The following CA3 variants were observed in gnomAD, a reference collection of about 807,000 sequenced individuals.
The protein encoded by CA3 is carbonic anhydrase 3.
CA3 carries 30 observed loss-of-function variants against 35.7 expected under a neutral mutation model. The ratio of observed to expected loss-of-function variants is 0.84; its 90% CI spans 0.63 to 1.14. The LOEUF (loss-of-function observed/expected upper bound fraction) is 1.14, where lower values mean the gene tolerates loss of function less well. Among genes scored for constraint, CA3 ranks in the 50% most tolerant of loss-of-function variants. The pLI is 0.00. For missense variants in CA3, 295 were observed against 328.5 expected (o/e 0.90, Z 0.79); for synonymous variants, 131 against 130.8 (o/e 1.00, Z -0.01).
chr8:85,443,523 C>A (rs77634231), intron 3 of CA3, among the ~76,000 whole-genome samples: 3,931 of 152,250 alleles, frequency 0.026, 180 homozygotes, highest in African/African-American at 0.09. Flanking sequence ...TACAGCCAAT[C>A]TAGAGAGCCA....
At chr8:85,447,509 T>G (rs1307959984) in intron 6 of CA3, among the ~76,000 whole-genome samples, 4 of 152,082 alleles carry the variant, frequency 2.6e-5, no homozygotes, top group Non-Finnish European at 5.9e-5. Context: ...GCTTTACAAA[T>G]AAAGAAAAAA....
At position 85,442,112 on chromosome 8, in the gene CA3, G is replaced by A. The variant is rs762494962; in HGVS notation, c.272G>A (p.Arg91His). 6.8e-6 allele frequency: 11 copies of A among 1,608,032 alleles called. No homozygotes were observed. The highest frequency in any genetic ancestry group is 2.2e-5 in the East Asian group (1 of 44,850). The part of the protein sequence containing the change: ...GGPLPGPYRL[R>H]QFHLHWGSSD... ...CCTCTCCCTGGACCCTACCGACTTC[G>A]CCAGTTTCATCTTCACTGGGGCTCT... Residue 91 changes from arginine (R) to histidine (H), a missense_variant, in exon 3 of 7, where the codon CGC becomes CAC. By Grantham distance (29) the Arg-to-His change is conservative. Transcript: ENST00000285381.
intron 6 of CA3, among the ~76,000 whole-genome samples, chr8:85,446,721 CA>C (rs977072739): frequency 2.0e-5 from 3 of 152,172 alleles, no homozygotes; most frequent in Admixed American, 1.3e-4. Context: ...TGCAGTTTTA[CA>C]GATACATAAT....
intron 5 of CA3, 69 bp downstream of exon 5, chr8:85,445,287 A>G (rs922476085): frequency 3.7e-6 from 4 of 1,077,564 alleles, no homozygotes; most frequent in East Asian, 4.8e-5. Context: ...CATATTTTCA[A>G]GTATTTTTTT....
At position 85,444,019 on chromosome 8, in the gene CA3, C is replaced by G. The variant is rs774464751; in HGVS notation, c.352-15C>G. 7.7e-6 allele frequency: 12 copies of G among 1,557,146 alleles called. No individual in the cohort carries two copies. In the East Asian group the frequency reaches 2.5e-4, roughly 32 times the overall value. On this transcript the variant is annotated splice_polypyrimidine_tract_variant and intron_variant, in intron 3 of 6. Coordinates refer to ENST00000285381, the MANE Select transcript of CA3 (RefSeq NM_005181.4). ...TCCAGGAATTTACCTTCTAATCTGT[C>G]TTCTATGGTTTCAGCTTCATTTGGT...
At chr8:85,439,068 AT>A in intron 1 of CA3, 125 bp downstream of exon 1, 1 of 935,116 alleles carries the variant, frequency 1.1e-6, no homozygotes, top group Non-Finnish European at 1.6e-6. Context: ...AAGACCTAAC[AT>A]TTACTGAGGC....
chr8:85,448,115 C>A lies in CA3; in HGVS notation c.745C>A (p.Pro249Thr). Residue 249 changes from proline to threonine, a missense_variant, in exon 7 of 7, where the codon CCT becomes ACT. By Grantham distance (38) the Pro-to-Thr change is conservative. Coordinates refer to ENST00000285381, the MANE Select transcript of CA3 (RefSeq NM_005181.4). ...PLVSNWRPPQ[P>T]INNRVVRASF... is the part of the protein sequence containing the mutation. ...TGTGAGCAACTGGCGACCTCCACAG[C>A]CTATCAATAACAGGGTGGTGAGAGC... The A allele has an allele frequency of 6.2e-7, 1 of 1,613,424 alleles. No homozygotes were observed. The highest frequency in any genetic ancestry group is 1.1e-5 in the South Asian group (1 of 90,800).
intron 6 of CA3, among the ~76,000 whole-genome samples, chr8:85,446,550 A>G (rs1432459523): frequency 6.6e-6 from 1 of 152,208 alleles, no homozygotes; most frequent in African/African-American, 2.4e-5. Flanking sequence ...TTTATGCTCT[A>G]TAAACACTTT....
chr8:85,443,923 A>G, intron 3 of CA3, 111 bp from the exon 4 acceptor site: 2 of 756,178 alleles, frequency 2.6e-6, no homozygotes, highest in Non-Finnish European at 4.6e-6. Flanking sequence ...AGCTTTTATG[A>G]GAGTGCTCAG....
intron 3 of CA3, among the ~76,000 whole-genome samples, chr8:85,442,729 T>G (rs186332621): frequency 1.5e-3 from 222 of 152,060 alleles, no homozygotes; most frequent in Admixed American, 2.6e-3. Context: ...AGAAAAACCC[T>G]AAAAGTTAGA....
Position 85,439,618 on chromosome 8 carries a change from T to C in CA3, c.35-94T>C. The C allele has an allele frequency of 1.2e-5, 10 of 823,500 alleles. No individual in the cohort carries two copies. The South Asian group carries it at 1.5e-4, about 12-fold the overall frequency. The allele number at this position is 823,500 out of a possible 1,614,324, so 51.0% of individuals were successfully genotyped here. Reference sequence around the variant, plus strand: ...ACCTAAGACCTTTTTGAAATCACTGTCTAGCCTCTCTGTATTTTGCTGGTT... The same window carrying C: ...ACCTAAGACCTTTTTGAAATCACTGCCTAGCCTCTCTGTATTTTGCTGGTT... On this transcript the variant is annotated intron_variant, in intron 1 of 6. Transcript: ENST00000285381.
At chr8:85,440,913 T>C (rs1241905320) in intron 2 of CA3, among the ~76,000 whole-genome samples, 1 of 152,224 alleles carries the variant, frequency 6.6e-6, no homozygotes, top group Non-Finnish European at 1.5e-5. Flanking sequence ...CATAACAAAA[T>C]TAAACATATC....
chr8:85,446,189 G>C lies in CA3; in HGVS notation c.555G>C (p.Pro185=). 6.2e-7 allele frequency: 1 copy of C among 1,613,702 alleles called. No homozygotes were observed. The highest frequency in any genetic ancestry group is 8.5e-7 in the Non-Finnish European group (1 of 1,179,780). ...AGTTTGACCCATCCTGCCTGTTCCCGGCATGCCGGGACTACTGGACCTACC... is the reference window on the plus strand; with the variant it reads ...AGTTTGACCCATCCTGCCTGTTCCCCGCATGCCGGGACTACTGGACCTACC... ...FTKFDPSCLF[P]ACRDYWTYQG... Residue 185 remains proline, a synonymous_variant, in exon 6 of 7, where the codon CCG becomes CCC. Transcript: ENST00000285381.
At position 85,444,146 on chromosome 8, in the gene CA3, T is replaced by A. The variant is rs745847409; in HGVS notation, c.444+20T>A. ...CTGAAGGTAAAGTAAAAATTGACTA[T>A]ATATTTTCTTCCAAAATGTATTTCC... On this transcript the variant is annotated intron_variant, in intron 4 of 6. Transcript: ENST00000285381. 6.7e-7 allele frequency: 1 copy of A among 1,501,716 alleles called. No homozygotes were observed. 93.0% of individuals were successfully genotyped at this position (1,501,716 alleles called of 1,614,324 possible).
intron 2 of CA3, among the ~76,000 whole-genome samples, chr8:85,440,768 A>G (rs890323644): frequency 6.6e-6 from 1 of 152,180 alleles, no homozygotes; most frequent in Non-Finnish European, 1.5e-5. Context: ...GTAATGAAGA[A>G]TGATATTCAT....
chr8:85,441,460 G>A (rs771403746), intron 2 of CA3, among the ~76,000 whole-genome samples: 1 of 152,142 alleles, frequency 6.6e-6, no homozygotes, highest in Non-Finnish European at 1.5e-5. Context: ...GTTTTTGCTC[G>A]TTGTCTTGAA....
In CA3 at chr8:85,448,053, TC is replaced by T; in HGVS notation, c.685del (p.Leu229SerfsTer13). On this transcript the variant is annotated frameshift_variant, in exon 7 of 7. Coordinates refer to ENST00000285381, the MANE Select transcript of CA3 (RefSeq NM_005181.4). LOFTEE classifies it high-confidence loss of function. Reference sequence around the variant, plus strand: ...TTGCAGATGGCCAAGCTGCGGAGCCTCCTCTCCAGTGCTGAGAACGAGCCCC... The same window carrying T: ...TTGCAGATGGCCAAGCTGCGGAGCCTCTCTCCAGTGCTGAGAACGAGCCCC... ...SSDQMAKLRS[L>X]LSSAENEPPV... 2 of 1,612,348 alleles carry T rather than the reference TC, an allele frequency of 1.2e-6. No homozygotes were observed. Among genetic ancestry groups the T allele is most frequent in the Non-Finnish European group, 1.7e-6 (2 of 1,179,252 alleles).
At chr8:85,445,796 T>G (rs1811280424) in intron 5 of CA3, among the ~76,000 whole-genome samples, 1 of 152,252 alleles carries the variant, frequency 6.6e-6, no homozygotes, top group Non-Finnish European at 1.5e-5. Flanking sequence ...TGATATTTTT[T>G]GGTATCATCA....
At chr8:85,441,076 C>T (rs375872857) in intron 2 of CA3, among the ~76,000 whole-genome samples, 191 of 152,260 alleles carry the variant, frequency 1.3e-3, no homozygotes, top group Non-Finnish European at 2.1e-3. Flanking sequence ...TGAATTGAAC[C>T]ACTCCATTTC....
Sources: allele counts gnomAD v4.1 joint callset (sites outside exome capture counted in the v4.1 genomes callset), GRCh38; gene constraint gnomAD v4.1.1; transcripts MANE v1.5; gene names NCBI Gene and HGNC (gene_info 2026-07-23, HGNC 2026-07-21).